TM4SF20: variants seen among roughly 807,000 people sequenced by gnomAD.
TM4SF20 encodes transmembrane 4 L six family member 20, also known as transmembrane 4 L6 family member 20.
In TM4SF20, 13 loss-of-function variants were observed where a neutral mutation model predicts 15.1. The observed-to-expected ratio is 0.86, with a 90% CI of 0.56 to 1.36. The LOEUF is 1.36. Among genes scored for constraint, TM4SF20 ranks in the 40% most tolerant of loss-of-function variants. The pLI is 0.00. For synonymous variants in TM4SF20, 92 were observed against 96.6 expected, an observed-to-expected ratio of 0.95 and a Z score of 0.28; for missense variants, 282 against 268.4, an observed-to-expected ratio of 1.05 and a Z score of -0.35.
In TM4SF20 at chr2:227,363,591, A is replaced by G. The variant is rs2076374002; in HGVS notation, c.*133T>C. ...TTCCCAAATCAACCACTGATATGAG[A>G]GTGTTATGCATTTACAACGTGCTTT... On this transcript the variant is annotated 3_prime_UTR_variant, in exon 4 of 4. Transcript: ENST00000304568. The G allele has an allele frequency of 1.2e-6, 1 of 832,282 alleles. No individual in the cohort carries two copies. The highest frequency in any genetic ancestry group is 1.8e-5 in the South Asian group (1 of 56,384). 51.6% of individuals were successfully genotyped at this position (832,282 alleles called of 1,614,324 possible).
In TM4SF20 at chr2:227,379,299, G is replaced by A. The variant is rs114658305; in HGVS notation, c.-31C>T. 2.8e-3 allele frequency: 4,560 copies of A among 1,604,602 alleles called. 29 individuals carry two copies. Among genetic ancestry groups the A allele is most frequent in the South Asian group, 0.011 (998 of 90,308 alleles). ...CCCCTGGCTCAGAAACGTTGTCAAA[G>A]TGGCTATGCTTGCATGGTACTATGT... On this transcript the variant is annotated 5_prime_UTR_variant, in exon 1 of 4. Coordinates refer to ENST00000304568, the MANE Select transcript of TM4SF20 (RefSeq NM_024795.4).
chr2:227,369,427 C>CTTTTTTTTTTTTTTTTTTTTTTTTTTTT (rs57148409), intron 2 of TM4SF20, among the ~76,000 whole-genome samples: 1 of 125,326 alleles, frequency 8.0e-6, no homozygotes, highest in African/African-American at 3.1e-5. Context: ...CCCCATCTGT[C>CTTTTTTTTTTTTTTTTTTTTTTTTTTTT]TTTTTTTTTT....
chr2:227,379,768 TTA>T (rs1380194085), upstream of TM4SF20, among the ~76,000 whole-genome samples: 22 of 152,344 alleles, frequency 1.4e-4, 1 homozygote, highest in African/African-American at 5.3e-4. Flanking sequence ...AAGAAAATGT[TTA>T]TGTCATATTA....
intron 1 of TM4SF20, among the ~76,000 whole-genome samples, chr2:227,371,816 C>T (rs10439364): frequency 0.058 from 8,792 of 152,234 alleles, 369 homozygotes; most frequent in African/African-American, 0.097. Flanking sequence ...TTTGGTTCCA[C>T]GTTCTCCTTT....
At position 227,362,488 on chromosome 2, in the gene TM4SF20, C is replaced by T. The variant is rs2076366671; in HGVS notation, c.*1236G>A. The T allele has an allele frequency of 6.6e-6, 1 of 152,060 alleles. No homozygotes were observed. The highest frequency in any genetic ancestry group is 6.6e-5 in the Admixed American group (1 of 15,258). 9.4% of individuals were successfully genotyped at this position (152,060 alleles called of 1,614,324 possible). ...CATCACTAATCCAAAAATTCAAAAT[C>T]CAGAATGCTCCGAGATCCAAAACTT... On this transcript the variant is annotated 3_prime_UTR_variant, in exon 4 of 4. Transcript: ENST00000304568.
At chr2:227,364,190 T>G (rs574869264) in intron 3 of TM4SF20, among the ~76,000 whole-genome samples, 178 bp from the exon 4 acceptor site, 129 of 152,210 alleles carry the variant, frequency 8.5e-4, no homozygotes, top group Non-Finnish European at 1.6e-3. Context: ...ACAAAACTTT[T>G]ATTACTTATA....
chr2:227,372,858 T>C (rs566480626), intron 1 of TM4SF20, among the ~76,000 whole-genome samples: 2 of 152,094 alleles, frequency 1.3e-5, no homozygotes, highest in South Asian at 4.2e-4. Context: ...ATGCATGCCA[T>C]CACGCCCTGT....
chr2:227,371,252 T>C (rs565336405), intron 1 of TM4SF20, among the ~76,000 whole-genome samples: 10 of 152,210 alleles, frequency 6.6e-5, no homozygotes, highest in African/African-American at 1.7e-4. Context: ...CTGCAGAGAA[T>C]TGGATTTTAA....
intron 1 of TM4SF20, among the ~76,000 whole-genome samples, chr2:227,373,947 T>C (rs928473777): frequency 9.4e-6 from 1 of 106,116 alleles, no homozygotes; most frequent in Non-Finnish European, 1.9e-5. Flanking sequence ...AAAAAAAAAA[T>C]ATGTGGAAGA....
intron 1 of TM4SF20, among the ~76,000 whole-genome samples, chr2:227,376,608 A>C (rs1360776896): frequency 6.6e-6 from 1 of 152,260 alleles, no homozygotes; most frequent in Non-Finnish European, 1.5e-5. Flanking sequence ...AGGGTGATAA[A>C]GTAAACTTAG....
Position 227,366,654 on chromosome 2 carries a change from G to A in TM4SF20, c.250-410C>T, listed in dbSNP as rs534864818. On this transcript the variant is annotated intron_variant, in intron 2 of 3. Transcript: ENST00000304568. ...TAAGGCAGGAGAATCGCTTGAACCC[G>A]GGAGGCAGTCATCCGAGATCGTGCC... Among the ~76,000 whole-genome samples the A allele has an allele frequency of 7.8e-5, 11 of 141,600 alleles. No individual in the cohort carries two copies. In the South Asian group the frequency reaches 1.3e-3, roughly 17 times the overall value. The allele number at this position is 141,600 out of a possible 152,430, so 92.9% of individuals were successfully genotyped here.
chr2:227,368,185 G>A (rs62190922), intron 2 of TM4SF20, among the ~76,000 whole-genome samples: 43 of 149,524 alleles, frequency 2.9e-4, no homozygotes, highest in African/African-American at 4.6e-4. Flanking sequence ...CACCACGCCC[G>A]GCTAATTTTT....
intron 2 of TM4SF20, among the ~76,000 whole-genome samples, chr2:227,366,739 AAAAAAAAAAAAAAAAAAG>A (rs1243122298): frequency 1.8e-4 from 19 of 103,772 alleles, no homozygotes; most frequent in Middle Eastern, 4.7e-3. Flanking sequence ...AAAAAAAAAA[AAAAAAAAAAAAAAAAAAG>A]ATGGTTTGGC....
At chr2:227,370,509 C>A (rs1382214466) in intron 2 of TM4SF20, among the ~76,000 whole-genome samples, 1 of 152,150 alleles carries the variant, frequency 6.6e-6, no homozygotes, top group African/African-American at 2.4e-5. Context: ...GTAATCCCAG[C>A]ACTTTGGGAG....
At chr2:227,365,491 T>A (rs538002633) in intron 3 of TM4SF20, among the ~76,000 whole-genome samples, 66 of 152,304 alleles carry the variant, frequency 4.3e-4, no homozygotes, top group Admixed American at 1.2e-3. Flanking sequence ...TCTCCAGTAT[T>A]ACTTGTTATT....
rs139982532 is a variant in TM4SF20, at chr2:227,370,897, C to T, written c.249+18G>A. 265 of 1,612,464 alleles carry T rather than the reference C, an allele frequency of 1.6e-4. 1 individual carries two copies. Among genetic ancestry groups the T allele is most frequent in the Middle Eastern group, 5.0e-4 (3 of 6,060 alleles). Reference sequence around the variant, plus strand: ...TGTTCATGCACTTCTGCTTCCACGCCGACTGCTTCATACTTACTCCAGTTC... The same window carrying T: ...TGTTCATGCACTTCTGCTTCCACGCTGACTGCTTCATACTTACTCCAGTTC... On this transcript the variant is annotated intron_variant, in intron 2 of 3. Coordinates refer to ENST00000304568, the MANE Select transcript of TM4SF20 (RefSeq NM_024795.4).
chr2:227,364,378 C>G (rs2076380134), intron 3 of TM4SF20, among the ~76,000 whole-genome samples: 1 of 145,806 alleles, frequency 6.9e-6, no homozygotes, highest in South Asian at 2.1e-4. Flanking sequence ...TAAGGAGCCT[C>G]CCCTACCCCC....
intron 1 of TM4SF20, among the ~76,000 whole-genome samples, chr2:227,378,525 T>C (rs928486552): frequency 1.3e-5 from 2 of 152,200 alleles, no homozygotes; most frequent in Non-Finnish European, 2.9e-5. Flanking sequence ...CTAGGATCTA[T>C]ATAATAGCTG....
chr2:227,379,147 G>A lies in TM4SF20; in HGVS notation c.122C>T (p.Ser41Phe), dbSNP rs1007512913. Residue 41 changes from serine (S) to phenylalanine (F), a missense_variant, in exon 1 of 4, where the codon TCT becomes TTT. Ser to Phe is a radical substitution (Grantham distance 155, BLOSUM62 -2). Transcript: ENST00000304568. ...IVSLVEEDQFSQNPISCFEWW... is the reference protein window; with the variant it reads ...IVSLVEEDQFFQNPISCFEWW... The stretch of plus-strand genomic sequence containing the variant: ...CTCAAAGCAAGAGATGGGGTTTTGA[G>A]AAAATTGGTCTTCCTCAACTAAGCT... 2 of 1,614,200 alleles carry A rather than the reference G, an allele frequency of 1.2e-6. No homozygotes were observed. Among genetic ancestry groups the A allele is most frequent in the Admixed American group, 1.7e-5 (1 of 60,028 alleles).
Sources: gnomAD v4.1 joint callset for allele counts (sites outside exome capture counted in the v4.1 genomes callset) on GRCh38, gnomAD v4.1.1 for gene constraint, MANE v1.5 for transcripts, NCBI Gene and HGNC (gene_info 2026-07-23, HGNC 2026-07-21) for gene names.